SCAMP1: variants seen among roughly 807,000 people sequenced by gnomAD.
SCAMP1 encodes secretory carrier-associated membrane protein 1.
A neutral mutation model predicts 41.8 loss-of-function variants in SCAMP1; 15 were observed. The observed-to-expected ratio is 0.36, with a 90% CI of 0.24 to 0.55. The LOEUF is 0.55. Among genes scored for constraint, SCAMP1 ranks in the 20% least tolerant of loss-of-function variants. The pLI is 0.86. For missense variants in SCAMP1, 341 were observed against 412.6 expected (o/e 0.83, Z 1.50); for synonymous variants, 135 against 136.8 (o/e 0.99, Z 0.09).
intron 6 of SCAMP1, among the ~76,000 whole-genome samples, chr5:78,445,226 T>G (rs935172034): frequency 2.0e-5 from 3 of 152,214 alleles, no homozygotes; most frequent in Non-Finnish European, 4.4e-5. Flanking sequence ...GGGAAGAACT[T>G]TTCTATTAAA....
chr5:78,403,070 CATGT>C (rs1191530453), intron 2 of SCAMP1, among the ~76,000 whole-genome samples: 1 of 152,130 alleles, frequency 6.6e-6, no homozygotes, highest in African/African-American at 2.4e-5. Flanking sequence ...AGGGTTTCAC[CATGT>C]TGGCCATGCT....
intron 1 of SCAMP1, 121 bp downstream of exon 1, chr5:78,360,849 G>A: frequency 1.0e-6 from 1 of 979,784 alleles, no homozygotes; most frequent in African/African-American, 1.7e-5. Context: ...AGAGAGGGGC[G>A]CGGGGCCGCC....
chr5:78,466,278 A>T (rs1580719909), intron 8 of SCAMP1, among the ~76,000 whole-genome samples: 1 of 152,330 alleles, frequency 6.6e-6, no homozygotes, highest in Admixed American at 6.5e-5. Flanking sequence ...GAGGAAGAGA[A>T]ATAAATTGGT....
At chr5:78,454,441 CAT>C (rs1753329630) in intron 7 of SCAMP1, among the ~76,000 whole-genome samples, 2 of 151,602 alleles carry the variant, frequency 1.3e-5, no homozygotes, top group African/African-American at 4.8e-5. Context: ...TTGAGATAAT[CAT>C]GTGGTTTTTG....
chr5:78,428,078 C>G (rs1752511344), intron 6 of SCAMP1, among the ~76,000 whole-genome samples: 1 of 151,980 alleles, frequency 6.6e-6, no homozygotes, highest in Non-Finnish European at 1.5e-5. Flanking sequence ...TTGGTCTTGT[C>G]TGGTTAGTAT....
intron 6 of SCAMP1, among the ~76,000 whole-genome samples, chr5:78,440,283 C>T (rs369451936): frequency 1.1e-4 from 16 of 152,250 alleles, no homozygotes; most frequent in Admixed American, 7.2e-4. Context: ...GGAGAAGGGG[C>T]GCTCTGATTT....
intron 6 of SCAMP1, among the ~76,000 whole-genome samples, chr5:78,429,131 A>G (rs1368479697): frequency 6.6e-6 from 1 of 151,984 alleles, no homozygotes; most frequent in Non-Finnish European, 1.5e-5. Context: ...TAATCAATCC[A>G]CCTTCCTTTT....
At position 78,443,613 on chromosome 5, in the gene SCAMP1, C is replaced by T. The variant is rs371775712; in HGVS notation, c.633-6320C>T. On this transcript the variant is annotated intron_variant, in intron 6 of 8. Coordinates refer to ENST00000621999, the MANE Select transcript of SCAMP1 (RefSeq NM_004866.6). ...AGAGAGTTCAGAGTCTCTTTCATTC[C>T]AGTCCTGTGCTTTTTTAGCCAGACT... Among the ~76,000 whole-genome samples the T allele has an allele frequency of 6.8e-5, 10 of 146,802 alleles. No individual in the cohort carries two copies. The South Asian group carries it at 1.5e-3, about 22-fold the overall frequency.
chr5:78,469,923 AAAAAAAAAACAAC>A lies in SCAMP1; in HGVS notation c.853-5578_853-5566del, dbSNP rs1561290980. On this transcript the variant is annotated intron_variant, in intron 8 of 8. Coordinates refer to ENST00000621999, the MANE Select transcript of SCAMP1 (RefSeq NM_004866.6). The stretch of plus-strand genomic sequence containing the variant: ...AAAAAAAAAAAAAAACAAAAAAAAA[AAAAAAAAAACAAC>A]AACACAGCCCAGGCATGGTGGTGTG... Among the ~76,000 whole-genome samples, 32 of 20,286 alleles carry A rather than the reference AAAAAAAAAACAAC, an allele frequency of 1.6e-3. 1 individual carries two copies. The highest frequency in any genetic ancestry group is 4.6e-3 in the African/African-American group (16 of 3,498). The allele number at this position is 20,286 out of a possible 152,430, so 13.3% of individuals were successfully genotyped here.
At chr5:78,391,239 G>T (rs1751487517) in intron 2 of SCAMP1, among the ~76,000 whole-genome samples, 2 of 151,522 alleles carry the variant, frequency 1.3e-5, no homozygotes, top group Non-Finnish European at 3.0e-5. Flanking sequence ...CCGGGCAGAG[G>T]CGCCCCTCAC....
chr5:78,459,107 G>A (rs1362281557), intron 7 of SCAMP1, 138 bp from the exon 8 acceptor site: 2 of 620,492 alleles, frequency 3.2e-6, no homozygotes, highest in Non-Finnish European at 5.8e-6. Flanking sequence ...GGTGGGTTGT[G>A]AGAATTAAAT....
chr5:78,422,896 G>A lies in SCAMP1; in HGVS notation c.632+936G>A, dbSNP rs147878236. On this transcript the variant is annotated intron_variant, in intron 6 of 8. Coordinates refer to ENST00000621999, the MANE Select transcript of SCAMP1 (RefSeq NM_004866.6). ...GGGGTAACATTACTAGGATATATGC[G>A]TGTGTTGTTTAAAGGATATATTAGG... Among the ~76,000 whole-genome samples the A allele has an allele frequency of 3.4e-3, 523 of 152,110 alleles. 2 individuals carry two copies. Among genetic ancestry groups the A allele is most frequent in the Middle Eastern group, 0.01 (3 of 292 alleles).
At chr5:78,447,585 T>A (rs1386821911) in intron 6 of SCAMP1, among the ~76,000 whole-genome samples, 2 of 152,042 alleles carry the variant, frequency 1.3e-5, no homozygotes, top group Non-Finnish European at 2.9e-5. Flanking sequence ...ATATGATATT[T>A]TAAAAAATTA....
At chr5:78,421,737 G>C (rs1752344151) in intron 5 of SCAMP1, 64 bp from the exon 6 acceptor site, 2 of 1,398,756 alleles carry the variant, frequency 1.4e-6, no homozygotes, top group East Asian at 2.3e-5. Context: ...ACAATTTTTT[G>C]TTGGATGAAT....
At chr5:78,465,407 C>G (rs1753721318) in intron 8 of SCAMP1, among the ~76,000 whole-genome samples, 1 of 152,188 alleles carries the variant, frequency 6.6e-6, no homozygotes, top group South Asian at 2.1e-4. Flanking sequence ...AACTGTACTC[C>G]AAGCTGCGTG....
intron 6 of SCAMP1, among the ~76,000 whole-genome samples, chr5:78,440,449 G>C (rs1341585312): frequency 6.6e-6 from 1 of 152,196 alleles, no homozygotes; most frequent in Non-Finnish European, 1.5e-5. Flanking sequence ...GTCAGCTGCA[G>C]GTCTGTTGGA....
chr5:78,407,370 A>G (rs1283549127), intron 2 of SCAMP1, among the ~76,000 whole-genome samples: 2 of 152,164 alleles, frequency 1.3e-5, no homozygotes, highest in Non-Finnish European at 2.9e-5. Context: ...AGCACATTAT[A>G]CTTGAGCTTG....
Position 78,458,663 on chromosome 5 carries a change from C to T in SCAMP1, c.735-582C>T, listed in dbSNP as rs767503971. ...TTGGGAGGCCGAGTCAGGTGGATCA[C>T]GAGGTCAGGAGTTCGAGACCAGTCT... On this transcript the variant is annotated intron_variant, in intron 7 of 8. Coordinates refer to ENST00000621999, the MANE Select transcript of SCAMP1 (RefSeq NM_004866.6). Among the ~76,000 whole-genome samples the T allele has an allele frequency of 1.1e-4, 16 of 152,238 alleles. No individual in the cohort carries two copies. The South Asian group carries it at 1.5e-3, about 14-fold the overall frequency.
intron 2 of SCAMP1, among the ~76,000 whole-genome samples, chr5:78,390,434 A>G (rs1751456079): frequency 1.3e-5 from 2 of 152,358 alleles, no homozygotes; most frequent in South Asian, 4.1e-4. Flanking sequence ...ACCAGTTTTG[A>G]TATATAAAAA....
Sources: allele counts gnomAD v4.1 joint callset (sites outside exome capture counted in the v4.1 genomes callset), GRCh38; gene constraint gnomAD v4.1.1; transcripts MANE v1.5; gene names NCBI Gene and HGNC (gene_info 2026-07-23, HGNC 2026-07-21).